INTS6: variants seen among roughly 807,000 people sequenced by gnomAD.
INTS6 encodes DEAD box protein.
A neutral mutation model predicts 104.9 loss-of-function variants in INTS6; 16 were observed. The observed-to-expected ratio is 0.15, with a 90% CI of 0.10 to 0.23. The LOEUF (loss-of-function observed/expected upper bound fraction) is 0.23. Ranked by LOEUF, INTS6 falls within the 10% of genes least tolerant of loss-of-function variation. The pLI, the probability that INTS6 is intolerant of heterozygous loss-of-function variation, is 1.00. For synonymous variants in INTS6, 324 were observed against 358.7 expected, an observed-to-expected ratio of 0.90 and a Z score of 1.09; for missense variants, 584 against 1,062.8, an observed-to-expected ratio of 0.55 and a Z score of 6.26.
At chr13:51,371,638 A>C (rs953742935) in intron 15 of INTS6, among the ~76,000 whole-genome samples, 22 of 151,992 alleles carry the variant, frequency 1.4e-4, no homozygotes, top group African/African-American at 5.3e-4. Flanking sequence ...GAGTGGTCAC[A>C]ATCACCATCT....
intron 3 of INTS6, among the ~76,000 whole-genome samples, chr13:51,432,344 A>T (rs1364980172): frequency 6.6e-6 from 1 of 152,310 alleles, no homozygotes; most frequent in Admixed American, 6.5e-5. Context: ...TAATTTAAAT[A>T]TGAATTTAAA....
At chr13:51,433,060 A>G (rs1031477638) in intron 3 of INTS6, among the ~76,000 whole-genome samples, 1 of 152,214 alleles carries the variant, frequency 6.6e-6, no homozygotes, top group African/African-American at 2.4e-5. Flanking sequence ...GGTGCCTTTC[A>G]AAAAAAAATC....
downstream of INTS6, among the ~76,000 whole-genome samples, chr13:51,349,279 T>C (rs930469503): frequency 6.6e-6 from 1 of 152,074 alleles, no homozygotes; most frequent in Non-Finnish European, 1.5e-5. Flanking sequence ...ATCTATGCAC[T>C]AGAAGGAAAA....
chr13:51,405,489 T>C (rs916042871), intron 4 of INTS6, among the ~76,000 whole-genome samples: 4 of 152,178 alleles, frequency 2.6e-5, no homozygotes, highest in African/African-American at 9.7e-5. Context: ...ACTTAGCCTA[T>C]CAATTCTTGG....
the INTS6 span, among the ~76,000 whole-genome samples, chr13:51,337,589 T>C: frequency 8.5e-5 from 13 of 152,172 alleles, no homozygotes; most frequent in Non-Finnish European, 1.5e-5. Context: ...TGTGCCTTAG[T>C]GTCAAGGTGG....
At chr13:51,403,715 C>CA (rs2138001424) in intron 4 of INTS6, among the ~76,000 whole-genome samples, 1 of 151,918 alleles carries the variant, frequency 6.6e-6, no homozygotes, top group South Asian at 2.1e-4. Flanking sequence ...TCATGCTTCC[C>CA]ACTTAAGTTT....
intron 4 of INTS6, among the ~76,000 whole-genome samples, chr13:51,427,020 A>G (rs565924251): frequency 3.2e-4 from 48 of 152,292 alleles, no homozygotes; most frequent in South Asian, 1.0e-3. Context: ...AATGAGTTCT[A>G]TATTTCCTCA....
At position 51,369,262 on chromosome 13, in the gene INTS6, T is replaced by C. The variant is rs1315748005; in HGVS notation, c.2153A>G (p.His718Arg). Residue 718 changes from histidine to arginine, a missense_variant, in exon 16 of 18, where the codon CAT becomes CGT. Transcript: ENST00000311234. Reference protein sequence around the residue: ...DSIIHDVVENHVADQLSSDIT... With the variant: ...DSIIHDVVENRVADQLSSDIT... The stretch of plus-strand genomic sequence containing the variant: ...GTCTGATGAAAGTTGGTCTGCAACA[T>C]GATTTTCAACCACATCATGTATTAT... 1 of 1,613,440 alleles carries C rather than the reference T, an allele frequency of 6.2e-7. No individual in the cohort carries two copies. Among genetic ancestry groups the C allele is most frequent in the Non-Finnish European group, 8.5e-7 (1 of 1,179,608 alleles).
At chr13:51,431,639 A>G (rs1349125165) in intron 3 of INTS6, among the ~76,000 whole-genome samples, 2 of 152,198 alleles carry the variant, frequency 1.3e-5, no homozygotes, top group African/African-American at 2.4e-5. Context: ...TAATCATCGT[A>G]AAGTGGGAAG....
At chr13:51,340,796 G>C in the INTS6 span, 47 of 497,604 alleles carry the variant, frequency 9.4e-5, no homozygotes, top group African/African-American at 8.4e-4. Flanking sequence ...CTTTGCTAAA[G>C]TCACACATCC....
intron 4 of INTS6, among the ~76,000 whole-genome samples, chr13:51,399,077 T>A (rs777309620): frequency 4.6e-5 from 7 of 152,232 alleles, no homozygotes; most frequent in Non-Finnish European, 5.9e-5. Context: ...TTTTGAACTT[T>A]ATAAAAATGG....
intron 4 of INTS6, among the ~76,000 whole-genome samples, chr13:51,417,580 G>A (rs1340136763): frequency 6.7e-6 from 1 of 149,722 alleles, no homozygotes; most frequent in African/African-American, 2.5e-5. Flanking sequence ...TCAGCCTCCC[G>A]AGTAGCTGGG....
chr13:51,384,792 T>A (rs1956110484), intron 7 of INTS6: 1 of 433,204 alleles, frequency 2.3e-6, no homozygotes, highest in East Asian at 7.0e-5. Context: ...CTGCCTTCTG[T>A]CAATACTAAA....
chr13:51,374,171 G>A (rs1408562674), intron 15 of INTS6, 37 bp downstream of exon 15: 2 of 1,519,474 alleles, frequency 1.3e-6, no homozygotes, highest in East Asian at 2.3e-5. Flanking sequence ...GGAACCAAAA[G>A]GCAGCAAATA....
intron 12 of INTS6, 131 bp from the exon 13 acceptor site, chr13:51,376,305 G>A: frequency 1.5e-6 from 1 of 671,490 alleles, no homozygotes; most frequent in Non-Finnish European, 2.2e-6. Flanking sequence ...ATAAAATAAA[G>A]ACATATGATA....
intron 3 of INTS6, chr13:51,437,599 T>G: frequency 6.6e-6 from 1 of 152,058 alleles, no homozygotes; most frequent in East Asian, 1.9e-4. Flanking sequence ...AAGTTAGCAA[T>G]AAAGCATTAA....
rs1403554727 is a variant in INTS6 at position 51,365,442 on chromosome 13, T to C, written c.*310A>G. On this transcript the variant is annotated 3_prime_UTR_variant, in exon 18 of 18. Transcript: ENST00000311234. The stretch of plus-strand genomic sequence containing the variant: ...TAACAGAGGTGACAATTTTAAAGGT[T>C]GGTTTAAGAAAATAGAACCTGAGGG... The C allele has an allele frequency of 5.9e-6, 1 of 169,060 alleles. No homozygotes were observed. Among genetic ancestry groups the C allele is most frequent in the Non-Finnish European group, 1.3e-5 (1 of 78,752 alleles). The allele number at this position is 169,060 out of a possible 1,614,324, so 10.5% of individuals were successfully genotyped here. A position where few individuals can be genotyped will look rare whatever the true frequency, so the allele number is the denominator to read the frequency against.
chr13:51,414,869 C>CACACACACACAG (rs139817301), intron 4 of INTS6, among the ~76,000 whole-genome samples: 5 of 150,590 alleles, frequency 3.3e-5, no homozygotes, highest in African/African-American at 1.2e-4. Flanking sequence ...CACACACACA[C>CACACACACACAG]AGTTCTAAGA....
chr13:51,406,899 A>ATTT lies in INTS6; in HGVS notation c.430-11419_430-11417dup, dbSNP rs562144778. 2.3e-3 allele frequency among the ~76,000 whole-genome samples: 316 copies of ATTT among 135,864 alleles called. 5 individuals are homozygous for ATTT. Among genetic ancestry groups the ATTT allele is most frequent in the African/African-American group, 8.3e-3 (305 of 36,894 alleles). 89.1% of individuals were successfully genotyped at this position (135,864 alleles called of 152,430 possible). On this transcript the variant is annotated intron_variant, in intron 4 of 17. Transcript: ENST00000311234. ...TAAAACATTATGAGATTTTTTTGTG[A>ATTT]TTTTTTTTTTTTTTTTAGCTCATCA... is the stretch of plus-strand genomic sequence containing the variant.
Sources: allele counts gnomAD v4.1 joint callset (sites outside exome capture counted in the v4.1 genomes callset), GRCh38; gene constraint gnomAD v4.1.1; transcripts MANE v1.5; gene names NCBI Gene and HGNC (gene_info 2026-07-23, HGNC 2026-07-21).